RBFOX3: variants seen among roughly 807,000 people sequenced by gnomAD.
The protein encoded by RBFOX3 is RNA binding fox-1 homolog 3, also known as RNA binding protein fox-1 homolog 3.
Under a neutral mutation model 48.7 loss-of-function variants are expected in RBFOX3, and 17 were observed. The ratio of observed to expected loss-of-function variants is 0.35; its 90% CI spans 0.24 to 0.52. The LOEUF is 0.52. Among genes scored for constraint, RBFOX3 ranks in the 20% least tolerant of loss-of-function variants. The pLI is 0.94. For synonymous variants in RBFOX3, 212 were observed against 209.5 expected, an observed-to-expected ratio of 1.01 and a Z score of -0.10; for missense variants, 382 against 497.5, an observed-to-expected ratio of 0.77 and a Z score of 2.21.
intron 2 of RBFOX3, among the ~76,000 whole-genome samples, chr17:79,310,691 G>C (rs535405774): frequency 6.6e-6 from 1 of 152,208 alleles, no homozygotes; most frequent in Admixed American, 6.5e-5. Context: ...CTTCTGTGGA[G>C]GGAGCACCGC....
At chr17:79,382,290 CT>C (rs2060022201) in intron 2 of RBFOX3, among the ~76,000 whole-genome samples, 1 of 152,246 alleles carries the variant, frequency 6.6e-6, no homozygotes, top group African/African-American at 2.4e-5. Flanking sequence ...GCAGCATCCA[CT>C]GCCCAGGCTT....
chr17:79,644,847 T>G, the RBFOX3 span, among the ~76,000 whole-genome samples: 2 of 152,192 alleles, frequency 1.3e-5, no homozygotes, highest in Non-Finnish European at 2.9e-5. Flanking sequence ...ATATAGAAAT[T>G]CAATGCAACT....
intron 1 of RBFOX3, among the ~76,000 whole-genome samples, chr17:79,581,411 C>T (rs2093055162): frequency 6.6e-6 from 1 of 152,224 alleles, no homozygotes; most frequent in Non-Finnish European, 1.5e-5. Context: ...TTAGCTGGGC[C>T]AGATTGCAGT....
intron 2 of RBFOX3, among the ~76,000 whole-genome samples, chr17:79,449,568 T>A (rs2073056581): frequency 6.6e-6 from 1 of 151,344 alleles, no homozygotes; most frequent in Non-Finnish European, 1.5e-5. Flanking sequence ...TCAGTTTTCA[T>A]CATTCAATTA....
At chr17:79,593,878 C>T (rs1357968511) in intron 1 of RBFOX3, among the ~76,000 whole-genome samples, 2 of 152,112 alleles carry the variant, frequency 1.3e-5, no homozygotes, top group Non-Finnish European at 2.9e-5. Context: ...CAGCAGGCTC[C>T]AGGACAGAAA....
intron 1 of RBFOX3, among the ~76,000 whole-genome samples, chr17:79,569,435 T>C (rs2092586002): frequency 6.6e-6 from 1 of 152,258 alleles, no homozygotes; most frequent in Non-Finnish European, 1.5e-5. Flanking sequence ...GGCTACGCAC[T>C]ATTCCATTGT....
intron 2 of RBFOX3, among the ~76,000 whole-genome samples, chr17:79,436,694 T>C (rs1555731342): frequency 6.6e-6 from 1 of 152,026 alleles, no homozygotes; most frequent in African/African-American, 2.4e-5. Flanking sequence ...GCTTATGTTT[T>C]AAAGGGGGAA....
At position 79,214,514 on chromosome 17, in the gene RBFOX3, AT is replaced by A. The variant is rs2058761738; in HGVS notation, c.-34+21251del. On this transcript the variant is annotated intron_variant, in intron 4 of 14. Coordinates refer to ENST00000693108, the MANE Select transcript of RBFOX3 (RefSeq NM_001350451.2). This position sits in a 1 kb window ranked among gnomAD's most constrained non-coding sequence, Gnocchi z 4.7. ...TGGCACCCAGGGAGGAGGAGGAGAG[AT>A]GGGAGAAGAGGGGCTCCCTGGGGCA... Among the ~76,000 whole-genome samples the A allele has an allele frequency of 6.6e-6, 1 of 151,304 alleles. No individual in the cohort carries two copies. The highest frequency in any genetic ancestry group is 6.6e-5 in the Admixed American group (1 of 15,200).
At position 79,205,023 on chromosome 17, in the gene RBFOX3, G is replaced by A. The variant is rs750048899; in HGVS notation, c.-34+30743C>T. Among the ~76,000 whole-genome samples the A allele has an allele frequency of 1.3e-5, 2 of 152,084 alleles. No individual in the cohort carries two copies. The highest frequency in any genetic ancestry group is 2.9e-5 in the Non-Finnish European group (2 of 68,018). On this transcript the variant is annotated intron_variant, in intron 4 of 14. Coordinates refer to ENST00000693108, the MANE Select transcript of RBFOX3 (RefSeq NM_001350451.2). This position sits in a 1 kb window ranked among gnomAD's most constrained non-coding sequence, Gnocchi z 4.5. The stretch of plus-strand genomic sequence containing the variant: ...CAGAGAACTCCTCAGTCATCACAAC[G>A]GGAAACTGCAGTACCATATCCAGTT...
At chr17:79,426,963 C>A (rs1430825043) in intron 2 of RBFOX3, among the ~76,000 whole-genome samples, 1 of 152,194 alleles carries the variant, frequency 6.6e-6, no homozygotes, top group Non-Finnish European at 1.5e-5. Context: ...CTCGGCCTCC[C>A]AAATTGCTAG....
chr17:79,476,086 A>G (rs1018143246), intron 2 of RBFOX3, among the ~76,000 whole-genome samples: 12 of 152,288 alleles, frequency 7.9e-5, no homozygotes, highest in Non-Finnish European at 1.2e-4. Context: ...GGCCACTGAC[A>G]CCCTGAGGAC....
At chr17:79,572,907 G>A (rs2092729471) in intron 1 of RBFOX3, among the ~76,000 whole-genome samples, 1 of 149,124 alleles carries the variant, frequency 6.7e-6, no homozygotes, top group East Asian at 2.1e-4. Flanking sequence ...GCCAAATTTG[G>A]CAGATAAGAC....
intron 4 of RBFOX3, among the ~76,000 whole-genome samples, chr17:79,118,623 G>C (rs1004415824): frequency 6.6e-6 from 1 of 152,054 alleles, no homozygotes; most frequent in Non-Finnish European, 1.5e-5. Flanking sequence ...AGCCTTCACC[G>C]CCTTGCACTG....
chr17:79,096,349 C>T (rs747704112), intron 12 of RBFOX3, among the ~76,000 whole-genome samples: 12 of 152,158 alleles, frequency 7.9e-5, no homozygotes, highest in Non-Finnish European at 1.2e-4. Flanking sequence ...TGGTTAGGGA[C>T]GTGGCAGAGT....
At chr17:79,222,836 G>A (rs79323529) in intron 4 of RBFOX3, among the ~76,000 whole-genome samples, 1,554 of 152,320 alleles carry the variant, frequency 0.01, 24 homozygotes, top group African/African-American at 0.036. Flanking sequence ...AGAATGAAGA[G>A]GTGGCCGGGC....
chr17:79,201,782 C>T (rs2056796118), intron 4 of RBFOX3, among the ~76,000 whole-genome samples: 1 of 152,198 alleles, frequency 6.6e-6, no homozygotes, highest in Admixed American at 6.5e-5. Flanking sequence ...TCACCCCTTC[C>T]CACGTGCTTT....
At chr17:79,596,131 T>C (rs1469691442) in intron 1 of RBFOX3, among the ~76,000 whole-genome samples, 1 of 152,184 alleles carries the variant, frequency 6.6e-6, no homozygotes, top group Non-Finnish European at 1.5e-5. Flanking sequence ...CAAAGAGACA[T>C]CTGAGACCCC....
intron 2 of RBFOX3, among the ~76,000 whole-genome samples, chr17:79,436,118 G>A (rs1555730996): frequency 6.6e-6 from 1 of 152,200 alleles, no homozygotes; most frequent in African/African-American, 2.4e-5. Context: ...ACACCACAGA[G>A]CGGGGTTCTA....
chr17:79,326,167 G>A (rs2079287794), intron 2 of RBFOX3, among the ~76,000 whole-genome samples: 1 of 152,176 alleles, frequency 6.6e-6, no homozygotes, highest in African/African-American at 2.4e-5. Flanking sequence ...AGGGCATCAG[G>A]AGGCCGGGGA....
Sources: gnomAD v4.1 joint callset for allele counts (sites outside exome capture counted in the v4.1 genomes callset) on GRCh38, gnomAD v4.1.1 for gene constraint, Gnocchi (gnomAD v3.1) non-coding constraint, MANE v1.5 for transcripts, NCBI Gene and HGNC (gene_info 2026-07-23, HGNC 2026-07-21) for gene names.